Variants in RBFOX1 observed in about 807,000 individuals in gnomAD.
RBFOX1 encodes the protein RNA binding fox-1 homolog 1.
A neutral mutation model predicts 57.7 loss-of-function variants in RBFOX1; 8 were observed. The ratio of observed to expected loss-of-function variants is 0.14; its 90% confidence interval spans 0.08 to 0.25. The LOEUF is 0.25. Ranked by LOEUF, RBFOX1 falls within the 10% of genes least tolerant of loss-of-function variation. RBFOX1 has a pLI of 1.00. For synonymous variants in RBFOX1, 326 were observed against 222.4 expected (o/e 1.47, Z -4.15); for missense variants, 611 against 548.5 (o/e 1.11, Z -1.14).
At chr16:5,641,599 C>A (rs1596553707) in intron 3 of RBFOX1, among the ~76,000 whole-genome samples, 1 of 152,318 alleles carries the variant, frequency 6.6e-6, no homozygotes, top group East Asian at 1.9e-4. Flanking sequence ...ATATGAATGG[C>A]ACCCCTTTTG....
intron 12 of RBFOX1, among the ~76,000 whole-genome samples, chr16:7,660,852 C>T (rs905625886): frequency 6.6e-6 from 1 of 152,190 alleles, no homozygotes; most frequent in Admixed American, 6.5e-5. Context: ...ACCACCACTG[C>T]CTGCCATAGT....
In RBFOX1 at chr16:7,352,766, A is replaced by G. The variant is rs573930306; in HGVS notation, c.28-165381A>G. 3.7e-3 allele frequency among the ~76,000 whole-genome samples: 568 copies of G among 152,160 alleles called. 1 individual carries two copies. The highest frequency in any genetic ancestry group is 6.6e-3 in the Non-Finnish European group (447 of 68,006). On this transcript the variant is annotated intron_variant, in intron 4 of 15. Coordinates refer to ENST00000550418, the MANE Select transcript of RBFOX1 (RefSeq NM_018723.4). ...GGTCTCACTCTGTCACCAAAGCTGG[A>G]GTGCAGTGGTGCGATCATGGCTCAC...
intron 1 of RBFOX1, among the ~76,000 whole-genome samples, chr16:5,434,861 C>A (rs2151522489): frequency 6.6e-6 from 1 of 151,976 alleles, no homozygotes; most frequent in Non-Finnish European, 1.5e-5. Context: ...CTCCAGTTTT[C>A]ACTGGCTTTA....
At chr16:5,847,302 TGC>T (rs1343034124) in intron 3 of RBFOX1, among the ~76,000 whole-genome samples, 1 of 150,970 alleles carries the variant, frequency 6.6e-6, no homozygotes, top group Non-Finnish European at 1.5e-5. Context: ...TTTCCAGCTT[TGC>T]ATGACCTTGG....
At chr16:5,548,268 T>TG (rs143643110) in intron 2 of RBFOX1, among the ~76,000 whole-genome samples, 3 of 147,680 alleles carry the variant, frequency 2.0e-5, no homozygotes, top group African/African-American at 7.5e-5. Flanking sequence ...AAACTAACTG[T>TG]GGGGTACTAT....
At chr16:5,685,788 A>G (rs1392229209) in intron 3 of RBFOX1, among the ~76,000 whole-genome samples, 1 of 152,222 alleles carries the variant, frequency 6.6e-6, no homozygotes, top group Non-Finnish European at 1.5e-5. Flanking sequence ...ACAAGTTGGC[A>G]GACAGAACCT....
chr16:6,259,638 G>T (rs200792892), intron 1 of RBFOX1, among the ~76,000 whole-genome samples: 1 of 152,032 alleles, frequency 6.6e-6, no homozygotes, highest in Non-Finnish European at 1.5e-5. Context: ...AAATATCTGC[G>T]ATCATGTACG....
chr16:7,595,918 C>T (rs1290037478), intron 8 of RBFOX1, among the ~76,000 whole-genome samples: 1 of 150,684 alleles, frequency 6.6e-6, no homozygotes, highest in Non-Finnish European at 1.5e-5. Flanking sequence ...TGTTATTTTC[C>T]ATGTTTTATA....
At chr16:6,278,393 A>T (rs1035817898) in intron 1 of RBFOX1, among the ~76,000 whole-genome samples, 8 of 142,016 alleles carry the variant, frequency 5.6e-5, no homozygotes, top group Admixed American at 2.1e-4. Context: ...AAAAAAAAAA[A>T]AAAAAAAAAA....
At chr16:7,265,662 C>T (rs867991469) in intron 4 of RBFOX1, among the ~76,000 whole-genome samples, 22 of 151,976 alleles carry the variant, frequency 1.4e-4, no homozygotes, top group Admixed American at 2.0e-4. Flanking sequence ...TTGGCCAGGC[C>T]GGTCTGAAAC....
At chr16:6,778,717 A>G (rs1490275650) in intron 3 of RBFOX1, among the ~76,000 whole-genome samples, 1 of 152,044 alleles carries the variant, frequency 6.6e-6, no homozygotes, top group African/African-American at 2.4e-5. Context: ...TAAAGAAACT[A>G]GATTGTCTTC....
At chr16:5,735,771 G>T (rs1349564626) in intron 3 of RBFOX1, among the ~76,000 whole-genome samples, 1 of 152,096 alleles carries the variant, frequency 6.6e-6, no homozygotes, top group African/African-American at 2.4e-5. Context: ...TGCTACTCTG[G>T]AGGCTGAAGC....
intron 11 of RBFOX1, among the ~76,000 whole-genome samples, chr16:7,640,688 T>C (rs1299839698): frequency 2.0e-5 from 3 of 152,178 alleles, no homozygotes; most frequent in Non-Finnish European, 4.4e-5. Flanking sequence ...TGTGATAGCA[T>C]TGACAGAAAG....
chr16:6,219,025 GC>G (rs1246782229), intron 1 of RBFOX1, among the ~76,000 whole-genome samples: 1 of 152,178 alleles, frequency 6.6e-6, no homozygotes, highest in Admixed American at 6.5e-5. Context: ...TGACTCAGGG[GC>G]CACATCTGTG....
intron 3 of RBFOX1, among the ~76,000 whole-genome samples, chr16:6,699,641 C>T (rs1367820848): frequency 6.6e-6 from 1 of 152,144 alleles, no homozygotes; most frequent in African/African-American, 2.4e-5. Context: ...CATGAATACT[C>T]ATCTGTCAAC....
At chr16:5,581,427 A>G (rs1466683165) in intron 2 of RBFOX1, among the ~76,000 whole-genome samples, 2 of 152,234 alleles carry the variant, frequency 1.3e-5, no homozygotes, top group Admixed American at 1.3e-4. Flanking sequence ...GGGAGAATCC[A>G]GTGGCAACCT....
intron 1 of RBFOX1, among the ~76,000 whole-genome samples, chr16:6,104,012 G>T (rs2096347429): frequency 6.6e-6 from 1 of 152,026 alleles, no homozygotes; most frequent in Non-Finnish European, 1.5e-5. Flanking sequence ...CCCAGTTCTT[G>T]CCTTGACCCT....
intron 1 of RBFOX1, among the ~76,000 whole-genome samples, chr16:6,151,725 C>T (rs1350411295): frequency 6.6e-6 from 1 of 152,174 alleles, no homozygotes; most frequent in African/African-American, 2.4e-5. Flanking sequence ...CTGCTGTGAA[C>T]CAGGAAAACT....
chr16:6,701,198 T>A (rs1288206159), intron 3 of RBFOX1, among the ~76,000 whole-genome samples: 1 of 152,076 alleles, frequency 6.6e-6, no homozygotes, highest in African/African-American at 2.4e-5. Context: ...ACCTCCTACC[T>A]CTCTCAGTCA....
Sources: gnomAD v4.1 joint callset for allele counts (sites outside exome capture counted in the v4.1 genomes callset) on GRCh38, gnomAD v4.1.1 for gene constraint, MANE v1.5 for transcripts, NCBI Gene and HGNC (gene_info 2026-07-23, HGNC 2026-07-21) for gene names.